The following CACNA2D1 variants were observed in gnomAD, a reference collection of about 807,000 sequenced individuals.
CACNA2D1 encodes the protein calcium voltage-gated channel auxiliary subunit alpha2delta 1.
Under a neutral mutation model 171.5 loss-of-function variants are expected in CACNA2D1, and 53 were observed. The observed-to-expected ratio is 0.31, with a 90% CI of 0.25 to 0.39. The LOEUF is 0.39. Ranked by LOEUF, CACNA2D1 falls within the 10% of genes least tolerant of loss-of-function variation. CACNA2D1 has a pLI of 1.00. For missense variants in CACNA2D1, 903 were observed against 1,299.8 expected (o/e 0.69, Z 4.69); for synonymous variants, 442 against 443.1 (o/e 1.00, Z 0.03).
intron 1 of CACNA2D1, among the ~76,000 whole-genome samples, chr7:82,363,254 C>CTCTTTTTTTTTTTT (rs1821286522): frequency 3.8e-4 from 24 of 63,422 alleles, no homozygotes; most frequent in African/African-American, 1.9e-3. Context: ...TTATTTGTCT[C>CTCTTTTTTTTTTTT]TTTTTTTTTT....
At chr7:82,006,887 G>A (rs37127) in intron 16 of CACNA2D1, among the ~76,000 whole-genome samples, 79,873 of 151,838 alleles carry the variant, frequency 0.53, 23,354 homozygotes, top group African/African-American at 0.8. Flanking sequence ...CTTAAGTGCA[G>A]CAGACGTCAT....
At chr7:82,253,676 T>A (rs1743440957) in intron 3 of CACNA2D1, among the ~76,000 whole-genome samples, 2 of 152,202 alleles carry the variant, frequency 1.3e-5, no homozygotes, top group Admixed American at 6.5e-5. Flanking sequence ...GTTTAATAAA[T>A]GTCATGGTCC....
At chr7:82,386,486 C>T (rs80109243) in intron 1 of CACNA2D1, among the ~76,000 whole-genome samples, 1,751 of 152,204 alleles carry the variant, frequency 0.012, 59 homozygotes, top group East Asian at 0.07. Context: ...GTGGCTCATG[C>T]CTTTAATCCC....
chr7:82,066,869 T>C (rs1382129452), intron 7 of CACNA2D1, among the ~76,000 whole-genome samples: 3 of 152,084 alleles, frequency 2.0e-5, no homozygotes, highest in South Asian at 2.1e-4. Flanking sequence ...CTAATGAAAA[T>C]TGTGCTTTCA....
chr7:82,092,653 A>C (rs2129020749), intron 6 of CACNA2D1, among the ~76,000 whole-genome samples: 1 of 150,150 alleles, frequency 6.7e-6, no homozygotes, highest in Non-Finnish European at 1.5e-5. Context: ...TCGGCCTCCC[A>C]AAGTGCTGGG....
intron 1 of CACNA2D1, among the ~76,000 whole-genome samples, chr7:82,439,721 A>G (rs1019060872): frequency 6.6e-6 from 1 of 151,406 alleles, no homozygotes; most frequent in Admixed American, 6.6e-5. Context: ...ACTTACGTGG[A>G]AAAATATATC....
chr7:82,185,880 G>C (rs759459555), intron 3 of CACNA2D1, among the ~76,000 whole-genome samples: 53 of 152,052 alleles, frequency 3.5e-4, no homozygotes, highest in Non-Finnish European at 5.3e-4. Context: ...GGCCACACCA[G>C]GCATGGTGGC....
chr7:82,173,813 T>C (rs928745907), intron 3 of CACNA2D1, among the ~76,000 whole-genome samples: 1 of 149,460 alleles, frequency 6.7e-6, no homozygotes, highest in African/African-American at 2.5e-5. Context: ...GAAGGGGAGG[T>C]GGGGAAAATC....
In CACNA2D1 at chr7:81,980,172, CAAAAAAAAA is replaced by C. The variant is rs35616922; in HGVS notation, c.1955+2386_1955+2394del. On this transcript the variant is annotated intron_variant, in intron 24 of 38. Coordinates refer to ENST00000356860, the MANE Select transcript of CACNA2D1 (RefSeq NM_000722.4). Reference sequence around the variant, plus strand: ...AAAAGAAGGTAAAACTAAAACCAAGCAAAAAAAAAAAAAAAAAAAAAAAAAAAAGAAAGT... The same window carrying C: ...AAAAGAAGGTAAAACTAAAACCAAGCAAAAAAAAAAAAAAAAAAAGAAAGT... 3.2e-3 allele frequency among the ~76,000 whole-genome samples: 81 copies of C among 25,256 alleles called. 1 individual carries two copies. The highest frequency in any genetic ancestry group is 0.012 in the African/African-American group (79 of 6,462). The allele number at this position is 25,256 out of a possible 152,430, so 16.6% of individuals were successfully genotyped here.
intron 3 of CACNA2D1, among the ~76,000 whole-genome samples, chr7:82,332,696 G>A (rs17156136): frequency 0.18 from 26,999 of 152,020 alleles, 2,434 homozygotes; most frequent in South Asian, 0.28. Context: ...ATGTACTGAA[G>A]TCTACACAAT....
chr7:82,313,046 A>T (rs2129433996), intron 3 of CACNA2D1, among the ~76,000 whole-genome samples: 1 of 152,278 alleles, frequency 6.6e-6, no homozygotes, highest in African/African-American at 2.4e-5. Context: ...TCTGCAATGC[A>T]ACGTCCTAGA....
chr7:82,086,699 A>G (rs1231933508), intron 6 of CACNA2D1, among the ~76,000 whole-genome samples: 3 of 152,184 alleles, frequency 2.0e-5, no homozygotes, highest in Admixed American at 2.0e-4. Context: ...GATAGACTTC[A>G]TTAATCCCCA....
intron 27 of CACNA2D1, 143 bp downstream of exon 27, chr7:81,970,532 T>A (rs556849723): frequency 1.5e-6 from 1 of 661,574 alleles, no homozygotes; most frequent in Non-Finnish European, 2.8e-6. Flanking sequence ...CTTTTAATAA[T>A]GTAAATACTG....
chr7:82,255,317 C>G (rs1395376130), intron 3 of CACNA2D1, among the ~76,000 whole-genome samples: 2 of 152,118 alleles, frequency 1.3e-5, no homozygotes, highest in Non-Finnish European at 2.9e-5. Context: ...TGCATCTTGT[C>G]TGTCTCACTA....
chr7:82,080,929 T>C (rs995322768), intron 7 of CACNA2D1, among the ~76,000 whole-genome samples: 10 of 152,258 alleles, frequency 6.6e-5, no homozygotes, highest in African/African-American at 2.4e-4. Context: ...GCCTACTGTT[T>C]CCTATTTTCA....
intron 11 of CACNA2D1, among the ~76,000 whole-genome samples, chr7:82,036,439 T>C (rs1199287868): frequency 1.3e-5 from 2 of 152,330 alleles, no homozygotes; most frequent in East Asian, 3.9e-4. Context: ...ATGCTCCTTT[T>C]TCTGAAATAA....
At chr7:82,071,188 T>A (rs760196045) in intron 7 of CACNA2D1, among the ~76,000 whole-genome samples, 15 of 152,182 alleles carry the variant, frequency 9.9e-5, no homozygotes, top group Non-Finnish European at 2.1e-4. Context: ...CAATAAAAGC[T>A]GTTTAGCCTC....
chr7:82,072,975 T>A (rs1426395698), intron 7 of CACNA2D1, among the ~76,000 whole-genome samples: 1 of 152,206 alleles, frequency 6.6e-6, no homozygotes, highest in Non-Finnish European at 1.5e-5. Context: ...TAGATTTTTA[T>A]AAGATATGCT....
At chr7:82,300,923 G>A (rs1054153903) in intron 3 of CACNA2D1, among the ~76,000 whole-genome samples, 39 of 152,246 alleles carry the variant, frequency 2.6e-4, no homozygotes, top group Non-Finnish European at 5.0e-4. Flanking sequence ...TATTACTGGT[G>A]TTAGTGATTA....
Sources: allele counts gnomAD v4.1 joint callset (sites outside exome capture counted in the v4.1 genomes callset), GRCh38; gene constraint gnomAD v4.1.1; transcripts MANE v1.5; gene names NCBI Gene and HGNC (gene_info 2026-07-23, HGNC 2026-07-21).